The following GPC3 variants were observed in gnomAD, a reference collection of about 807,000 sequenced individuals.
The protein encoded by GPC3 is glypican-3.
A neutral mutation model predicts 34.4 loss-of-function variants in GPC3; 3 were observed. That is an observed-to-expected ratio of 0.09 (90% CI 0.04 to 0.23). GPC3 has a LOEUF of 0.23. Among genes scored for constraint, GPC3 ranks in the 10% least tolerant of loss-of-function variants. The probability of loss-of-function intolerance (pLI) is 1.00; values close to 1 mark genes in which losing one functional copy is unlikely to be tolerated. For missense variants in GPC3, 351 were observed against 445.6 expected (o/e 0.79, Z 1.91); for synonymous variants, 177 against 174.0 (o/e 1.02, Z -0.13).
chrX:133,831,946 T>A (rs2075777393), intron 2 of GPC3, among the ~76,000 whole-genome samples: 1 of 111,754 alleles, frequency 8.9e-6, no homozygotes, highest in Non-Finnish European at 1.9e-5. Context: ...TCCCCCCCTT[T>A]TACACACAAG....
chrX:133,727,383 T>C (rs1006432671), intron 3 of GPC3, among the ~76,000 whole-genome samples: 2 of 110,296 alleles, frequency 1.8e-5, no homozygotes, highest in East Asian at 5.7e-4. Context: ...CCGTCTCTAC[T>C]AAAAATATAT....
At chrX:133,569,855 A>G (rs1168443817) in intron 7 of GPC3, among the ~76,000 whole-genome samples, 2 of 110,817 alleles carry the variant, frequency 1.8e-5, no homozygotes, top group East Asian at 5.6e-4. Flanking sequence ...TGGTTATGCT[A>G]GAAACATCAG....
At chrX:133,692,018 A>G (rs1206674254) in intron 5 of GPC3, among the ~76,000 whole-genome samples, 1 of 112,565 alleles carries the variant, frequency 8.9e-6, no homozygotes, top group African/African-American at 3.2e-5. Context: ...ATGCGATCTC[A>G]GCTCATTGCA....
At chrX:133,778,296 C>G (rs956298329) in intron 2 of GPC3, among the ~76,000 whole-genome samples, 2 of 111,600 alleles carry the variant, frequency 1.8e-5, no homozygotes, top group African/African-American at 6.5e-5. Context: ...AGAAGGCAAA[C>G]CAAAAACTCA....
chrX:133,890,860 CAA>C (rs35287205), intron 2 of GPC3, among the ~76,000 whole-genome samples: 12 of 48,907 alleles, frequency 2.5e-4, no homozygotes, highest in Admixed American at 8.1e-4. Flanking sequence ...AACTCCATCT[CAA>C]AAAAAAAAAA....
chrX:133,605,877 G>T (rs1214657031), intron 6 of GPC3, among the ~76,000 whole-genome samples: 1 of 111,740 alleles, frequency 8.9e-6, no homozygotes, highest in Non-Finnish European at 1.9e-5. Flanking sequence ...TGTGTACCAA[G>T]GATACACACA....
intron 5 of GPC3, 66 bp from the exon 6 acceptor site, chrX:133,661,916 T>C: frequency 8.5e-7 from 1 of 1,177,882 alleles, no homozygotes; most frequent in Non-Finnish European, 1.1e-6. Flanking sequence ...AAGCTGACTG[T>C]ATTTGGCATC....
intron 2 of GPC3, among the ~76,000 whole-genome samples, chrX:133,920,004 T>C (rs1470923835): frequency 2.0e-5 from 2 of 102,280 alleles, no homozygotes; most frequent in Non-Finnish European, 4.0e-5. Flanking sequence ...TACTAAAAAT[T>C]AAAAAAAAAA....
intron 7 of GPC3, among the ~76,000 whole-genome samples, chrX:133,587,659 C>T (rs2069802998): frequency 8.9e-6 from 1 of 112,014 alleles, no homozygotes; most frequent in Admixed American, 9.5e-5. Flanking sequence ...TAGTTTTATT[C>T]ACCAAAAGCC....
At chrX:133,956,115 C>T (rs767649212) in intron 1 of GPC3, among the ~76,000 whole-genome samples, 16 of 111,633 alleles carry the variant, frequency 1.4e-4, no homozygotes, top group Non-Finnish European at 3.0e-4. Flanking sequence ...AAGGAGAACA[C>T]AGATAATACA....
At chrX:133,727,166 T>C (rs764269463) in intron 3 of GPC3, among the ~76,000 whole-genome samples, 95 of 112,131 alleles carry the variant, frequency 8.5e-4, no homozygotes, top group African/African-American at 2.9e-3. Flanking sequence ...GTTTGGTACA[T>C]GAAAGGCACT....
chrX:133,748,453 G>C (rs1219484296), intron 3 of GPC3, among the ~76,000 whole-genome samples: 1 of 111,479 alleles, frequency 9.0e-6, no homozygotes, highest in African/African-American at 3.3e-5. Context: ...ATTTATCCTA[G>C]TTTGTATAGA....
intron 2 of GPC3, among the ~76,000 whole-genome samples, chrX:133,945,746 T>C (rs1337915769): frequency 2.9e-5 from 3 of 104,365 alleles, no homozygotes; most frequent in Admixed American, 1.0e-4. Flanking sequence ...AGAGAGAGAC[T>C]CCGTCTCAAA....
At chrX:133,792,349 G>A (rs909333563) in intron 2 of GPC3, among the ~76,000 whole-genome samples, 1 of 111,732 alleles carries the variant, frequency 8.9e-6, no homozygotes, top group Non-Finnish European at 1.9e-5. Flanking sequence ...ATAAATATCT[G>A]TTGAATTAAA....
chrX:133,945,551 G>A (rs975090133), intron 2 of GPC3, among the ~76,000 whole-genome samples: 1 of 110,372 alleles, frequency 9.1e-6, no homozygotes, highest in East Asian at 2.9e-4. Flanking sequence ...TCTGGTTGGA[G>A]TTAATCTCTT....
intron 3 of GPC3, among the ~76,000 whole-genome samples, chrX:133,730,857 T>C (rs2071456196): frequency 8.9e-6 from 1 of 112,139 alleles, no homozygotes; most frequent in African/African-American, 3.2e-5. Context: ...AGCCATGTTT[T>C]AGTTCTGGTT....
At chrX:133,872,354 C>T (rs1186598671) in intron 2 of GPC3, among the ~76,000 whole-genome samples, 3 of 111,455 alleles carry the variant, frequency 2.7e-5, no homozygotes, top group Non-Finnish European at 5.6e-5. Flanking sequence ...ACCTGCCTGA[C>T]TAGCCCTGTA....
chrX:133,818,457 G>T (rs1216315122), intron 2 of GPC3, among the ~76,000 whole-genome samples: 1 of 111,666 alleles, frequency 9.0e-6, no homozygotes, highest in Non-Finnish European at 1.9e-5. Context: ...TTGCACATTG[G>T]TCTAAAAGCA....
At chrX:133,770,948 T>C (rs999434142) in intron 2 of GPC3, among the ~76,000 whole-genome samples, 1 of 111,170 alleles carries the variant, frequency 9.0e-6, no homozygotes, top group Admixed American at 9.6e-5. Context: ...TGGGAGGGGA[T>C]GGGGGGAAGG....
Sources: allele counts gnomAD v4.1 joint callset (sites outside exome capture counted in the v4.1 genomes callset), GRCh38; gene constraint gnomAD v4.1.1; transcripts MANE v1.5; gene names NCBI Gene and HGNC (gene_info 2026-07-23, HGNC 2026-07-21).